PLEKHG5: variants seen among roughly 807,000 people sequenced by gnomAD.
The protein encoded by PLEKHG5 is pleckstrin homology and RhoGEF domain containing G5, also known as pleckstrin homology domain-containing family G member 5.
A neutral mutation model predicts 103.8 loss-of-function variants in PLEKHG5; 52 were observed. The ratio of observed to expected loss-of-function variants is 0.50; its 90% CI spans 0.40 to 0.63. The LOEUF is 0.63. Ranked by LOEUF, PLEKHG5 falls within the 30% of genes least tolerant of loss-of-function variation. PLEKHG5 has a pLI of 0.00. For synonymous variants in PLEKHG5, 592 were observed against 575.5 expected (o/e 1.03, Z -0.41); for missense variants, 1,205 against 1,347.6 (o/e 0.89, Z 1.66).
At chr1:6,512,030 A>G (rs1638487234) in intron 1 of PLEKHG5, among the ~76,000 whole-genome samples, 1 of 152,174 alleles carries the variant, frequency 6.6e-6, no homozygotes, top group Non-Finnish European at 1.5e-5. Context: ...CCTATGTATT[A>G]TACCAGGACT....
rs544092159 is a variant in PLEKHG5 at position 6,478,589 on chromosome 1, C to T, written c.-87-931G>A. ...GTATTCACGACTTCCTAGTTCTCTC[C>T]TCCCACTCTCTTTATTTTTCCCAAG... is the stretch of plus-strand genomic sequence containing the variant. On this transcript the variant is annotated intron_variant, in intron 1 of 20. Transcript: ENST00000377728. Among the ~76,000 whole-genome samples the T allele has an allele frequency of 4.0e-4, 61 of 152,296 alleles. 1 individual carries two copies. Among genetic ancestry groups the T allele is most frequent in the African/African-American group, 1.4e-3 (60 of 41,556 alleles).
rs9435269 is a variant in PLEKHG5, at chr1:6,467,685, C to T, written c.3012-113G>A. 0.089 allele frequency: 128,580 copies of T among 1,451,546 alleles called. 13,770 individuals carry two copies. Among genetic ancestry groups the T allele is most frequent in the African/African-American group, 0.53 (38,164 of 71,580 alleles). The allele number at this position is 1,451,546 out of a possible 1,614,324, so 89.9% of individuals were successfully genotyped here. A position where few individuals can be genotyped will look rare whatever the true frequency, so the allele number is the denominator to read the frequency against. On this transcript the variant is annotated intron_variant, in intron 20 of 20. Transcript: ENST00000377728. Reference sequence around the variant, plus strand: ...CAGGCCCCTTCACTGCTGCCCACCACAGCCCCCTGCGCCCAGACACTGGGC... The same window carrying T: ...CAGGCCCCTTCACTGCTGCCCACCATAGCCCCCTGCGCCCAGACACTGGGC...
rs570829793 is a variant in PLEKHG5 at position 6,485,223 on chromosome 1, T to C, written c.-88+6414A>G. The C allele has an allele frequency of 5.1e-6, 4 of 777,020 alleles. No individual in the cohort carries two copies. The Admixed American group carries it at 1.3e-4, about 25-fold the overall frequency. 48.1% of individuals were successfully genotyped at this position (777,020 alleles called of 1,614,324 possible). A position where few individuals can be genotyped will look rare whatever the true frequency, so the allele number is the denominator to read the frequency against. ...CTTCCCCTGGGGGCCGCGGGGCCCA[T>C]AGTCACGGGCACCCCCTCCCTGGCC... On this transcript the variant is annotated intron_variant, in intron 1 of 20. Coordinates refer to ENST00000377728, the MANE Select transcript of PLEKHG5 (RefSeq NM_020631.6).
chr1:6,496,453 C>G, upstream of PLEKHG5: 1 of 1,480,088 alleles, frequency 6.8e-7, no homozygotes. Context: ...GCCCTGGCCC[C>G]TCTGCCCCCG....
At chr1:6,484,972 G>A (rs1184959316) in intron 1 of PLEKHG5, among the ~76,000 whole-genome samples, 1 of 152,206 alleles carries the variant, frequency 6.6e-6, no homozygotes, top group South Asian at 2.1e-4. Context: ...GAGGCCTCTG[G>A]GGTAGGAGGA....
chr1:6,475,974 C>T lies in PLEKHG5; in HGVS notation c.106G>A (p.Asp36Asn). 1 of 1,614,072 alleles carries T rather than the reference C, an allele frequency of 6.2e-7. No homozygotes were observed. Among genetic ancestry groups the T allele is most frequent in the East Asian group, 2.2e-5 (1 of 44,890 alleles). The change falls in exon 3 of 21, where the codon GAC becomes AAC. Residue 36 changes from aspartate (D) to asparagine (N), a missense_variant. Transcript: ENST00000377728. ...SCPPRTSPAV[D>N]LEEEEEESSV... Reference sequence around the variant, plus strand: ...CTCTCCTCCTCCTCCTCCTCCAAGTCCACTGCGGGGCTGGTGCGCGGCGGG... The same window carrying T: ...CTCTCCTCCTCCTCCTCCTCCAAGTTCACTGCGGGGCTGGTGCGCGGCGGG...
chr1:6,480,314 A>T (rs1047755667), intron 1 of PLEKHG5, among the ~76,000 whole-genome samples: 16 of 152,054 alleles, frequency 1.1e-4, no homozygotes, highest in African/African-American at 3.6e-4. Context: ...GGATTGCCTG[A>T]GCTCAGGAGT....
intron 1 of PLEKHG5, chr1:6,485,985 C>T (rs1360324268): frequency 2.5e-6 from 2 of 815,356 alleles, no homozygotes; most frequent in Admixed American, 6.2e-5. Context: ...ACACCCCCCC[C>T]CACCTTGGAG....
chr1:6,484,187 G>A (rs1375777132), intron 1 of PLEKHG5, among the ~76,000 whole-genome samples: 2 of 152,200 alleles, frequency 1.3e-5, no homozygotes, highest in Non-Finnish European at 2.9e-5. Context: ...GGAAGAGTCA[G>A]TATTCAACAA....
chr1:6,485,179 G>A (rs1047481810), intron 1 of PLEKHG5: 12 of 522,378 alleles, frequency 2.3e-5, no homozygotes, highest in South Asian at 7.5e-5. Context: ...TAGGGGGCTC[G>A]GCCGCCATGG....
rs115156480 is a variant in PLEKHG5, at chr1:6,486,960, A to T, written c.-88+4677T>A. On this transcript the variant is annotated intron_variant, in intron 1 of 20. Coordinates refer to ENST00000377728, the MANE Select transcript of PLEKHG5 (RefSeq NM_020631.6). The surrounding 1 kb of genome is among the most constrained non-coding windows in gnomAD (Gnocchi z 5.3). Reference sequence around the variant, plus strand: ...AATTGCTCCTCCTCCACCTGGTTCCATGGGGAAAGAGGGTGGGAAGGGGGC... The same window carrying T: ...AATTGCTCCTCCTCCACCTGGTTCCTTGGGGAAAGAGGGTGGGAAGGGGGC... 0.014 allele frequency among the ~76,000 whole-genome samples: 2,127 copies of T among 152,176 alleles called. 48 individuals carry two copies. The highest frequency in any genetic ancestry group is 0.049 in the African/African-American group (2,036 of 41,500).
rs1278892092 is a variant in PLEKHG5 at position 6,477,780 on chromosome 1, C to T, written c.-87-122G>A. The T allele has an allele frequency of 9.3e-5, 92 of 989,188 alleles. 1 individual carries two copies. The South Asian group carries it at 1.1e-3, about 12-fold the overall frequency. 61.3% of individuals were successfully genotyped at this position (989,188 alleles called of 1,614,324 possible). On this transcript the variant is annotated intron_variant, in intron 1 of 20. Coordinates refer to ENST00000377728, the MANE Select transcript of PLEKHG5 (RefSeq NM_020631.6). Reference sequence around the variant, plus strand: ...CATCTCTCGATCCAGGGTGAGGAGACGCCCCCCAGCAGTCCCCCCTCTCCC... The same window carrying T: ...CATCTCTCGATCCAGGGTGAGGAGATGCCCCCCAGCAGTCCCCCCTCTCCC...
rs752167528 is a variant in PLEKHG5, at chr1:6,470,582, C to T, written c.1604G>A (p.Arg535Gln). ...GCTCACCACGGCCGCCAGCCGCTGC[C>T]GCTCCTGCCGCTGCCGCATGCACGC... ...VNACMRQRQE[R>Q]QRLAAVVSRI... Residue 535 changes from arginine to glutamine, a missense_variant, in exon 15 of 21, where the codon CGG becomes CAG. Physicochemically the swap from Arg to Gln is conservative, Grantham distance 43. Coordinates refer to ENST00000377728, the MANE Select transcript of PLEKHG5 (RefSeq NM_020631.6). 7.5e-6 allele frequency: 12 copies of T among 1,598,396 alleles called. No individual in the cohort carries two copies. The highest frequency in any genetic ancestry group is 1.0e-5 in the Non-Finnish European group (12 of 1,177,816).
intron 2 of PLEKHG5, among the ~76,000 whole-genome samples, chr1:6,476,522 CA>C (rs1200885037): frequency 6.6e-6 from 1 of 152,098 alleles, no homozygotes; most frequent in East Asian, 1.9e-4. Context: ...CCCACAGACC[CA>C]AAAGGACACA....
At chr1:6,472,703 A>G (rs776712148) in intron 9 of PLEKHG5, 81 bp from the exon 10 acceptor site, 1 of 1,002,076 alleles carries the variant, frequency 1.0e-6, no homozygotes, top group Non-Finnish European at 1.5e-6. Context: ...CCTGCATGCA[A>G]CTCTCATTTT....
At chr1:6,497,986 C>T (rs560146745), upstream of PLEKHG5, among the ~76,000 whole-genome samples, 5 of 152,180 alleles carry the variant, frequency 3.3e-5, no homozygotes, top group East Asian at 9.7e-4. The surrounding 1 kb of genome is among the most constrained non-coding windows in gnomAD (Gnocchi z 6.1). Context: ...CCCCAGCCCC[C>T]GCCACCTCCC....
At chr1:6,494,960 C>T (rs1275765453), upstream of PLEKHG5, among the ~76,000 whole-genome samples, 2 of 152,346 alleles carry the variant, frequency 1.3e-5, no homozygotes, top group Middle Eastern at 3.4e-3. Flanking sequence ...CATACCCACT[C>T]TGAGACCAGC....
intron 1 of PLEKHG5, among the ~76,000 whole-genome samples, chr1:6,503,596 C>T (rs2148632091): frequency 6.6e-6 from 1 of 152,170 alleles, no homozygotes; most frequent in South Asian, 2.1e-4. Flanking sequence ...TTTTAGTAGA[C>T]ACATGGTTTC....
At chr1:6,502,038 C>T (rs1025203124) in intron 1 of PLEKHG5, among the ~76,000 whole-genome samples, 10 of 152,264 alleles carry the variant, frequency 6.6e-5, no homozygotes, top group Admixed American at 4.6e-4. Context: ...TCCCCTCCCG[C>T]GTGAGCCCCA....
Sources: allele counts gnomAD v4.1 joint callset (sites outside exome capture counted in the v4.1 genomes callset), GRCh38; gene constraint gnomAD v4.1.1; non-coding constraint Gnocchi (gnomAD v3.1); transcripts MANE v1.5; gene names NCBI Gene and HGNC (gene_info 2026-07-23, HGNC 2026-07-21).